Variants in ATAD3B observed in about 807,000 individuals in gnomAD.
ATAD3B encodes ATPase family AAA domain-containing protein 3B.
In ATAD3B, 59 loss-of-function variants were observed where a neutral mutation model predicts 70.2. That is an observed-to-expected ratio of 0.84 (90% CI 0.68 to 1.04). ATAD3B has a LOEUF of 1.04. Ranked by LOEUF, ATAD3B falls within the 50% of genes least tolerant of loss-of-function variation. The probability of loss-of-function intolerance (pLI) is 0.00; values close to 1 mark genes in which losing one functional copy is unlikely to be tolerated. For synonymous variants in ATAD3B, 423 were observed against 388.6 expected (o/e 1.09, Z -1.04); for missense variants, 961 against 913.4 (o/e 1.05, Z -0.67).
Position 1,486,159 on chromosome 1 carries a change from C to A in ATAD3B, c.1013C>A (p.Thr338Asn). The A allele has an allele frequency of 6.2e-7, 1 of 1,613,162 alleles. No individual in the cohort carries two copies. The highest frequency in any genetic ancestry group is 8.5e-7 in the Non-Finnish European group (1 of 1,179,544). The change falls in exon 10 of 16, where the codon ACC becomes AAC. Residue 338 changes from threonine to asparagine, a missense_variant. Thr to Asn is a moderately conservative substitution (Grantham distance 65). Transcript: ENST00000673477. The part of the protein sequence containing the change: ...VRDIAIATRN[T>N]KKNRGLYRHI... The stretch of plus-strand genomic sequence containing the variant: ...GACATCGCCATAGCAACCAGGAACA[C>A]CAAGAAGAACCGGGGCCTGTACAGG...
At chr1:1,508,929 C>T in the ATAD3B span, among the ~76,000 whole-genome samples, 4 of 151,816 alleles carry the variant, frequency 2.6e-5, no homozygotes, top group South Asian at 4.1e-4. Context: ...TGCCCTGGGT[C>T]GGCCGTCAGT....
the ATAD3B span, among the ~76,000 whole-genome samples, chr1:1,506,469 C>T: frequency 4.0e-5 from 6 of 149,856 alleles, no homozygotes; most frequent in Admixed American, 2.7e-4. Flanking sequence ...CAGTCGTCGG[C>T]CAGGATGGTC....
intron 11 of ATAD3B, among the ~76,000 whole-genome samples, chr1:1,487,523 C>T (rs148862875): frequency 0.023 from 3,402 of 151,196 alleles, 166 homozygotes; most frequent in African/African-American, 0.078. Flanking sequence ...CTTGCGTGGA[C>T]TCTTGAGCAC....
At chr1:1,486,069 G>T (rs1406742737) in intron 9 of ATAD3B, 41 bp from the exon 10 acceptor site, 2 of 1,612,130 alleles carry the variant, frequency 1.2e-6, no homozygotes, top group African/African-American at 1.3e-5. Flanking sequence ...GGCTTCCGTG[G>T]GTGCAGAGTG....
chr1:1,476,647 T>A (rs184440856), intron 1 of ATAD3B, among the ~76,000 whole-genome samples: 1 of 150,234 alleles, frequency 6.7e-6, no homozygotes, highest in Non-Finnish European at 1.5e-5. Context: ...TAGCTAGGAC[T>A]ACAAGTGCCC....
chr1:1,509,454 C>T, the ATAD3B span: 17 of 1,589,692 alleles, frequency 1.1e-5, no homozygotes, highest in East Asian at 3.6e-4. Flanking sequence ...AATAAAGTCC[C>T]ACGGGGGCCG....
chr1:1,506,399 T>C, the ATAD3B span, among the ~76,000 whole-genome samples: 1 of 152,064 alleles, frequency 6.6e-6, no homozygotes, highest in East Asian at 1.9e-4. Context: ...CAATGTTGTC[T>C]GGTTTTCTTT....
At chr1:1,485,640 G>T in intron 8 of ATAD3B, 142 bp from the exon 9 acceptor site, 1 of 1,364,896 alleles carries the variant, frequency 7.3e-7, no homozygotes. Context: ...TCCCGGCGGG[G>T]CAGGGTTCCA....
chr1:1,486,737 G>T, intron 11 of ATAD3B, 69 bp downstream of exon 11: 1 of 1,484,602 alleles, frequency 6.7e-7, no homozygotes, highest in Non-Finnish European at 9.0e-7. Flanking sequence ...TGGGAAGGGG[G>T]TCCAGGTGTC....
rs781660761 is a variant in ATAD3B, at chr1:1,487,818, T to C, written c.1215-45T>C. 2.0e-5 allele frequency: 32 copies of C among 1,607,774 alleles called. 3 individuals are homozygous for C. Among genetic ancestry groups the C allele is most frequent in the Non-Finnish European group, 2.6e-5 (30 of 1,175,766 alleles). Reference sequence around the variant, plus strand: ...GCGGCCGGACGCTGCTGTGGGCTGCTCCTGGCGTCACTCTCGCCTTGCTTG... The same window carrying C: ...GCGGCCGGACGCTGCTGTGGGCTGCCCCTGGCGTCACTCTCGCCTTGCTTG... On this transcript the variant is annotated intron_variant, in intron 11 of 15. Coordinates refer to ENST00000673477, the MANE Select transcript of ATAD3B (RefSeq NM_031921.6).
chr1:1,504,660 A>C, the ATAD3B span, among the ~76,000 whole-genome samples: 1 of 140,238 alleles, frequency 7.1e-6, no homozygotes, highest in Non-Finnish European at 1.5e-5. Flanking sequence ...CAAAAACAAA[A>C]AAAAAAAGAG....
intron 13 of ATAD3B, chr1:1,489,593 C>A: frequency 1.7e-6 from 2 of 1,184,852 alleles, no homozygotes; most frequent in Non-Finnish European, 2.3e-6. Context: ...TGCTGCCGCC[C>A]AGAGGTCCCC....
rs755851960 is a variant in ATAD3B, at chr1:1,482,167, C to T, written c.544C>T (p.His182Tyr). Residue 182 changes from histidine (H) to tyrosine (Y), a missense_variant, in exon 6 of 16, where the codon CAC becomes TAC. His to Tyr is a moderately conservative substitution (Grantham distance 83). This residue lies in a region of ATAD3B where 349 missense variants were observed against 307.5 expected (regional missense o/e 1.14). Transcript: ENST00000673477. ...CGTGGAGCGGGAGATGGAGCTGCGG[C>T]ACAAGAATGAGATGCTGCGAGTGGA... ...ATVEREMELRHKNEMLRVETE... is the reference protein window; with the variant it reads ...ATVEREMELRYKNEMLRVETE... 8 of 1,610,312 alleles carry T rather than the reference C, an allele frequency of 5.0e-6. No individual in the cohort carries two copies. Among genetic ancestry groups the T allele is most frequent in the East Asian group, 2.2e-5 (1 of 44,828 alleles).
At chr1:1,493,554 T>C (rs1570277963) in intron 15 of ATAD3B, among the ~76,000 whole-genome samples, 1 of 151,888 alleles carries the variant, frequency 6.6e-6, no homozygotes, top group Non-Finnish European at 1.5e-5. Context: ...TGACGTCAGG[T>C]GACCTGCCCA....
chr1:1,493,281 A>G (rs1640626662), intron 15 of ATAD3B, among the ~76,000 whole-genome samples: 2 of 151,854 alleles, frequency 1.3e-5, no homozygotes. Context: ...TTCCAGCGAT[A>G]TGTGGAATAG....
intron 12 of ATAD3B, 101 bp downstream of exon 12, chr1:1,488,015 C>T (rs558489860): frequency 1.4e-5 from 21 of 1,510,708 alleles, no homozygotes; most frequent in East Asian, 4.5e-5. Context: ...CTTGCAGTGG[C>T]GCAATCTTGG....
At chr1:1,500,507 G>A (rs1470126288), downstream of ATAD3B, among the ~76,000 whole-genome samples, 7 of 142,554 alleles carry the variant, frequency 4.9e-5, no homozygotes, top group African/African-American at 1.8e-4. Flanking sequence ...AGTCGAGATT[G>A]CGCCACTGCC....
rs940443256 is a variant in ATAD3B at position 1,490,735 on chromosome 1, C to T, written c.1614+64C>T. ...CAGCTGCTGTGGAGATGCTCAGTTGCGCCAGGCCTGTCCCAGCACCGGTGT... is the reference window on the plus strand; with the variant it reads ...CAGCTGCTGTGGAGATGCTCAGTTGTGCCAGGCCTGTCCCAGCACCGGTGT... On this transcript the variant is annotated intron_variant, in intron 15 of 15. Coordinates refer to ENST00000673477, the MANE Select transcript of ATAD3B (RefSeq NM_031921.6). 4.1e-5 allele frequency: 63 copies of T among 1,532,722 alleles called. 1 individual carries two copies. In the Admixed American group the frequency reaches 4.8e-4, roughly 12 times the overall value. 94.9% of individuals were successfully genotyped at this position (1,532,722 alleles called of 1,614,324 possible).
At chr1:1,484,058 A>C (rs1640071556) in intron 7 of ATAD3B, 1 of 152,174 alleles carries the variant, frequency 6.6e-6, no homozygotes, top group Admixed American at 6.6e-5. Flanking sequence ...ACAGCAGGCC[A>C]GAGCCTGGGC....
Sources: gnomAD v4.1 joint callset for allele counts (sites outside exome capture counted in the v4.1 genomes callset) on GRCh38, gnomAD v4.1.1 for gene constraint, gnomAD v4.1.1 regional missense constraint, MANE v1.5 for transcripts, NCBI Gene and HGNC (gene_info 2026-07-23, HGNC 2026-07-21) for gene names.